GALNTL6: variants seen among roughly 807,000 people sequenced by gnomAD.
GALNTL6 encodes polypeptide N-acetylgalactosaminyltransferase like 6.
A neutral mutation model predicts 73.7 loss-of-function variants in GALNTL6; 46 were observed. That is an observed-to-expected ratio of 0.62 (90% confidence interval 0.49 to 0.80). The LOEUF (loss-of-function observed/expected upper bound fraction) is 0.80, where lower values mean the gene tolerates loss of function less well. GALNTL6 is among the 30% of genes least tolerant of loss of function. GALNTL6 has a pLI of 0.00. For synonymous variants in GALNTL6, 259 were observed against 263.7 expected (o/e 0.98, Z 0.17); for missense variants, 604 against 755.0 (o/e 0.80, Z 2.34).
chr4:172,671,498 G>C (rs1043242663), intron 5 of GALNTL6, among the ~76,000 whole-genome samples: 1 of 152,112 alleles, frequency 6.6e-6, no homozygotes, highest in African/African-American at 2.4e-5. Context: ...AATAATTTTT[G>C]CATATTGATT....
At chr4:172,359,042 A>G (rs946373890) in intron 5 of GALNTL6, among the ~76,000 whole-genome samples, 3 of 152,270 alleles carry the variant, frequency 2.0e-5, no homozygotes, top group African/African-American at 7.2e-5. Context: ...TATGTACCCA[A>G]AGGAATATAA....
At chr4:171,859,319 G>A (rs550469895) in intron 2 of GALNTL6, among the ~76,000 whole-genome samples, 17 of 152,240 alleles carry the variant, frequency 1.1e-4, no homozygotes, top group African/African-American at 4.1e-4. Flanking sequence ...AAATGAAATA[G>A]AGCATTTTAA....
chr4:172,213,037 T>G (rs904329424), intron 2 of GALNTL6, among the ~76,000 whole-genome samples: 13 of 152,160 alleles, frequency 8.5e-5, no homozygotes, highest in Non-Finnish European at 1.8e-4. Context: ...TGGAATCATA[T>G]AGTATGCAGC....
At chr4:172,570,111 G>T (rs1162913919) in intron 5 of GALNTL6, among the ~76,000 whole-genome samples, 2 of 152,190 alleles carry the variant, frequency 1.3e-5, no homozygotes, top group Admixed American at 6.5e-5. Context: ...GAAGGTGGAA[G>T]AATACATGGG....
chr4:172,494,680 G>T (rs919415176), intron 5 of GALNTL6, among the ~76,000 whole-genome samples: 3 of 152,184 alleles, frequency 2.0e-5, no homozygotes, highest in African/African-American at 7.2e-5. Context: ...CAAACCACTG[G>T]CATAAGTCCA....
chr4:172,033,170 GGA>G (rs70941376), intron 2 of GALNTL6, among the ~76,000 whole-genome samples: 168 of 145,730 alleles, frequency 1.2e-3, no homozygotes, highest in Middle Eastern at 3.5e-3. Context: ...ACACACACAC[GGA>G]GAGAGAGAGA....
At chr4:171,847,858 C>T (rs964590202) in intron 2 of GALNTL6, among the ~76,000 whole-genome samples, 1 of 152,136 alleles carries the variant, frequency 6.6e-6, no homozygotes, top group African/African-American at 2.4e-5. Context: ...TCTTGAACTC[C>T]TCAAAGTCAT....
intron 4 of GALNTL6, among the ~76,000 whole-genome samples, chr4:172,343,963 C>G (rs1318399601): frequency 6.6e-6 from 1 of 151,996 alleles, no homozygotes; most frequent in Non-Finnish European, 1.5e-5. Context: ...TGAGCCATTC[C>G]TAAACTGCAA....
intron 8 of GALNTL6, among the ~76,000 whole-genome samples, chr4:172,901,918 C>A (rs1386050972): frequency 6.6e-6 from 1 of 152,166 alleles, no homozygotes; most frequent in African/African-American, 2.4e-5. Flanking sequence ...TCTTCAGTCT[C>A]TTTTAATATT....
At chr4:173,018,377 T>C (rs141636767) in intron 11 of GALNTL6, among the ~76,000 whole-genome samples, 1 of 152,362 alleles carries the variant, frequency 6.6e-6, no homozygotes, top group Non-Finnish European at 1.5e-5. Context: ...ATTTTGATAG[T>C]TAACATATAA....
chr4:172,218,917 AAAT>A (rs1736580682), intron 2 of GALNTL6, among the ~76,000 whole-genome samples: 1 of 151,766 alleles, frequency 6.6e-6, no homozygotes. Flanking sequence ...AAGTAATAAT[AAAT>A]AAGTAAATAA....
chr4:172,102,059 A>G (rs915439886), intron 2 of GALNTL6, among the ~76,000 whole-genome samples: 1 of 152,152 alleles, frequency 6.6e-6, no homozygotes, highest in Non-Finnish European at 1.5e-5. Context: ...AGGTGAAAAA[A>G]AGTCCTGACT....
At chr4:172,147,507 T>A (rs6553610) in intron 2 of GALNTL6, among the ~76,000 whole-genome samples, 1 of 152,004 alleles carries the variant, frequency 6.6e-6, no homozygotes, top group Non-Finnish European at 1.5e-5. Context: ...TAACGTGTGT[T>A]ACATTTTTTA....
intron 5 of GALNTL6, among the ~76,000 whole-genome samples, chr4:172,625,899 T>G (rs767802158): frequency 3.9e-5 from 6 of 152,108 alleles, no homozygotes; most frequent in Non-Finnish European, 8.8e-5. Context: ...TTTAAGTTCC[T>G]TATAGATTCT....
intron 2 of GALNTL6, among the ~76,000 whole-genome samples, chr4:171,860,115 A>G (rs1286341270): frequency 8.5e-5 from 13 of 152,190 alleles, no homozygotes; most frequent in Non-Finnish European, 2.9e-5. Flanking sequence ...TGATTAAATA[A>G]TCCATAATAA....
At chr4:172,206,981 C>A (rs1190925633) in intron 2 of GALNTL6, among the ~76,000 whole-genome samples, 1 of 151,364 alleles carries the variant, frequency 6.6e-6, no homozygotes, top group Admixed American at 6.6e-5. Context: ...CCACGCCCGG[C>A]TAGTTTTTTG....
At chr4:172,963,949 A>G (rs1170078855) in intron 10 of GALNTL6, among the ~76,000 whole-genome samples, 1 of 152,236 alleles carries the variant, frequency 6.6e-6, no homozygotes, top group Non-Finnish European at 1.5e-5. Flanking sequence ...GTCATATCTG[A>G]TATAGCAGTA....
At chr4:171,888,318 G>T (rs1307434770) in intron 2 of GALNTL6, among the ~76,000 whole-genome samples, 3 of 149,944 alleles carry the variant, frequency 2.0e-5, no homozygotes, top group African/African-American at 7.4e-5. Flanking sequence ...TAACTTTAAA[G>T]TTCAGCAACA....
At chr4:172,843,553 G>C (rs1249485234) in intron 7 of GALNTL6, among the ~76,000 whole-genome samples, 2 of 152,102 alleles carry the variant, frequency 1.3e-5, no homozygotes, top group African/African-American at 4.8e-5. Context: ...GTGAAAGTCA[G>C]GTTCACCCAT....
Sources: allele counts gnomAD v4.1 joint callset (sites outside exome capture counted in the v4.1 genomes callset), GRCh38; gene constraint gnomAD v4.1.1; transcripts MANE v1.5; gene names NCBI Gene and HGNC (gene_info 2026-07-23, HGNC 2026-07-21).